LRP1B: variants seen among roughly 807,000 people sequenced by gnomAD.
LRP1B encodes the protein LDL receptor related protein 1B, also known as low-density lipoprotein receptor-related protein 1B.
Under a neutral mutation model 556.6 loss-of-function variants are expected in LRP1B, and 217 were observed. The observed-to-expected ratio is 0.39, with a 90% CI of 0.35 to 0.44. LRP1B has a LOEUF of 0.44. Among genes scored for constraint, LRP1B ranks in the 20% least tolerant of loss-of-function variants. The pLI, the probability that LRP1B is intolerant of heterozygous loss-of-function variation, is 1.00. For missense variants in LRP1B, 5,053 were observed against 5,620.8 expected, an observed-to-expected ratio of 0.90 and a Z score of 3.23; for synonymous variants, 2,047 against 1,865.8, an observed-to-expected ratio of 1.10 and a Z score of -2.50.
chr2:140,260,234 G>A (rs897944916), intron 86 of LRP1B, among the ~76,000 whole-genome samples: 2 of 151,886 alleles, frequency 1.3e-5, no homozygotes, highest in African/African-American at 4.8e-5. Context: ...AACACTGAGT[G>A]TCTGAACTGA....
chr2:141,029,033 T>A (rs1171252248), intron 11 of LRP1B, among the ~76,000 whole-genome samples: 1 of 151,860 alleles, frequency 6.6e-6, no homozygotes, highest in African/African-American at 2.4e-5. Flanking sequence ...GGCAAAGACG[T>A]CTAGGACTTA....
intron 1 of LRP1B, among the ~76,000 whole-genome samples, chr2:141,823,838 A>G (rs1412560484): frequency 3.3e-5 from 5 of 152,016 alleles, no homozygotes; most frequent in Middle Eastern, 3.4e-3. Context: ...CAGGATATTT[A>G]TTTATTTATT....
intron 1 of LRP1B, among the ~76,000 whole-genome samples, chr2:141,995,010 G>A (rs1486380327): frequency 6.6e-6 from 1 of 151,968 alleles, no homozygotes; most frequent in Non-Finnish European, 1.5e-5. Flanking sequence ...AACAAAGTGA[G>A]GACAAAACTA....
At chr2:141,661,215 C>T (rs946187664) in intron 2 of LRP1B, among the ~76,000 whole-genome samples, 8 of 152,148 alleles carry the variant, frequency 5.3e-5, no homozygotes, top group East Asian at 1.9e-4. Context: ...CTCAAGAAGA[C>T]GAAAAGGAAT....
chr2:140,432,974 G>GA (rs1686018291), intron 66 of LRP1B, among the ~76,000 whole-genome samples: 1 of 152,204 alleles, frequency 6.6e-6, no homozygotes, highest in Non-Finnish European at 1.5e-5. Flanking sequence ...TGTTCAGAAT[G>GA]AAAATCCTAA....
intron 1 of LRP1B, among the ~76,000 whole-genome samples, chr2:142,018,509 A>G (rs7594299): frequency 0.3 from 45,736 of 152,006 alleles, 7,214 homozygotes; most frequent in Middle Eastern, 0.48. Flanking sequence ...ATTTTATAAA[A>G]TTTACTTTGC....
At chr2:140,657,600 T>TAC (rs1411544052) in intron 41 of LRP1B, among the ~76,000 whole-genome samples, 1 of 109,074 alleles carries the variant, frequency 9.2e-6, no homozygotes, top group Non-Finnish European at 2.2e-5. Context: ...CATACATATA[T>TAC]ATACATATAT....
At chr2:142,016,769 A>T (rs981362545) in intron 1 of LRP1B, among the ~76,000 whole-genome samples, 1 of 151,332 alleles carries the variant, frequency 6.6e-6, no homozygotes, top group Non-Finnish European at 1.5e-5. Context: ...TGGCACGTGT[A>T]TACCTATGTA....
chr2:141,049,906 A>G (rs1276075244), intron 10 of LRP1B, among the ~76,000 whole-genome samples: 1 of 152,054 alleles, frequency 6.6e-6, no homozygotes, highest in Non-Finnish European at 1.5e-5. Flanking sequence ...CCCCAAGCAA[A>G]AAACTGTCTC....
At chr2:141,775,929 G>A (rs59312275) in intron 2 of LRP1B, among the ~76,000 whole-genome samples, 31,568 of 149,488 alleles carry the variant, frequency 0.21, 3,619 homozygotes, top group African/African-American at 0.32. Context: ...TGCAAGCTCC[G>A]CCTCCTGGGT....
intron 1 of LRP1B, among the ~76,000 whole-genome samples, chr2:141,902,568 C>T (rs1225523144): frequency 2.0e-5 from 3 of 151,922 alleles, no homozygotes; most frequent in African/African-American, 7.2e-5. Context: ...TCCTTCATCT[C>T]GACAATTTCT....
chr2:140,722,372 A>G (rs1687439977), intron 35 of LRP1B, among the ~76,000 whole-genome samples: 1 of 152,186 alleles, frequency 6.6e-6, no homozygotes, highest in Non-Finnish European at 1.5e-5. Flanking sequence ...GCTGAGATAT[A>G]TGAGTGATAC....
chr2:141,789,889 T>C (rs1035638354), intron 2 of LRP1B, among the ~76,000 whole-genome samples: 1 of 152,022 alleles, frequency 6.6e-6, no homozygotes, highest in Non-Finnish European at 1.5e-5. Flanking sequence ...GGACTCCAAA[T>C]GTCCTTCATT....
intron 2 of LRP1B, among the ~76,000 whole-genome samples, chr2:141,671,851 T>C (rs905950065): frequency 1.9e-4 from 29 of 151,822 alleles, no homozygotes; most frequent in African/African-American, 6.8e-4. Flanking sequence ...AACAAAATGC[T>C]ATTTATTCAT....
At chr2:140,810,709 A>C (rs922366638) in intron 32 of LRP1B, among the ~76,000 whole-genome samples, 4 of 152,068 alleles carry the variant, frequency 2.6e-5, no homozygotes, top group Admixed American at 6.6e-5. Context: ...TGTCCAGTTA[A>C]CATATTGCCA....
chr2:140,743,077 C>T (rs1435459464), intron 35 of LRP1B, among the ~76,000 whole-genome samples: 6 of 151,982 alleles, frequency 3.9e-5, no homozygotes, highest in Non-Finnish European at 8.8e-5. Flanking sequence ...TTCTAAAATG[C>T]AAACAGTATT....
intron 79 of LRP1B, among the ~76,000 whole-genome samples, chr2:140,326,699 C>T (rs1179399487): frequency 7.2e-6 from 1 of 138,550 alleles, no homozygotes; most frequent in Admixed American, 7.3e-5. Flanking sequence ...CCCCCTGCCT[C>T]AAAAAAAAAA....
At chr2:140,990,873 T>C (rs948802114) in intron 16 of LRP1B, among the ~76,000 whole-genome samples, 2 of 152,134 alleles carry the variant, frequency 1.3e-5, no homozygotes, top group Non-Finnish European at 2.9e-5. Flanking sequence ...AACAAATGTT[T>C]ATATTTGTTT....
chr2:141,414,716 A>C (rs1385392348), intron 3 of LRP1B, among the ~76,000 whole-genome samples: 1 of 152,198 alleles, frequency 6.6e-6, no homozygotes. Context: ...CTTTGCTTTC[A>C]ATCCTGTTTC....
Sources: allele counts gnomAD v4.1 joint callset (sites outside exome capture counted in the v4.1 genomes callset), GRCh38; gene constraint gnomAD v4.1.1; transcripts MANE v1.5; gene names NCBI Gene and HGNC (gene_info 2026-07-23, HGNC 2026-07-21).